Variants in TRIO observed in about 807,000 individuals in gnomAD.
TRIO encodes the protein triple functional domain protein.
Under a neutral mutation model 351.9 loss-of-function variants are expected in TRIO, and 58 were observed. That is an observed-to-expected ratio of 0.16 (90% confidence interval 0.13 to 0.21). The LOEUF is 0.21. TRIO is among the 10% of genes least tolerant of loss of function. The probability of loss-of-function intolerance (pLI) is 1.00; values close to 1 mark genes in which losing one functional copy is unlikely to be tolerated. For missense variants in TRIO, 3,201 were observed against 4,027.8 expected (o/e 0.79, Z 5.56); for synonymous variants, 1,758 against 1,595.7 (o/e 1.10, Z -2.42).
chr5:14,323,672 G>T (rs1740104581), intron 9 of TRIO, among the ~76,000 whole-genome samples: 1 of 152,210 alleles, frequency 6.6e-6, no homozygotes, highest in Non-Finnish European at 1.5e-5. Context: ...ATGCGGTCTG[G>T]GGTCTCCCTG....
chr5:14,188,320 T>A (rs1790246287), intron 1 of TRIO, among the ~76,000 whole-genome samples: 1 of 152,192 alleles, frequency 6.6e-6, no homozygotes, highest in Non-Finnish European at 1.5e-5. Context: ...AAGTGTAATA[T>A]TTTCTCCATT....
chr5:14,220,049 CTT>C (rs35237881), intron 1 of TRIO, among the ~76,000 whole-genome samples: 7 of 94,746 alleles, frequency 7.4e-5, no homozygotes, highest in African/African-American at 6.5e-5. Flanking sequence ...TCTTCTTCTT[CTT>C]TTTTTTTTTT....
chr5:14,338,536 G>A (rs187394735), intron 11 of TRIO, among the ~76,000 whole-genome samples: 2 of 152,322 alleles, frequency 1.3e-5, no homozygotes, highest in Admixed American at 6.5e-5. Context: ...TTTTTACACC[G>A]TAGCTGAGAG....
At chr5:14,214,719 G>C (rs1254693628) in intron 1 of TRIO, among the ~76,000 whole-genome samples, 1 of 152,116 alleles carries the variant, frequency 6.6e-6, no homozygotes, top group Non-Finnish European at 1.5e-5. Flanking sequence ...ATGAAACCGA[G>C]TGTTATATTT....
intron 1 of TRIO, among the ~76,000 whole-genome samples, chr5:14,205,480 G>T (rs2152181284): frequency 6.6e-6 from 1 of 152,266 alleles, no homozygotes; most frequent in Middle Eastern, 3.4e-3. Context: ...GGTCTATCTT[G>T]TATCTGAAGT....
intron 54 of TRIO, 99 bp from the exon 55 acceptor site, chr5:14,504,294 C>G: frequency 7.4e-7 from 1 of 1,353,148 alleles, no homozygotes; most frequent in Non-Finnish European, 1.0e-6. Flanking sequence ...CTGGACAGGG[C>G]TGGGCCACCA....
chr5:14,168,647 C>T (rs1788923031), intron 1 of TRIO, among the ~76,000 whole-genome samples: 1 of 152,182 alleles, frequency 6.6e-6, no homozygotes, highest in East Asian at 1.9e-4. Context: ...CTGAGTTCCG[C>T]CCTTTTTAGC....
chr5:14,347,463 T>G (rs1230735143), intron 11 of TRIO, among the ~76,000 whole-genome samples: 1 of 152,248 alleles, frequency 6.6e-6, no homozygotes, highest in African/African-American at 2.4e-5. Flanking sequence ...AAGAGTGCAG[T>G]CTTGCCTTTT....
At chr5:14,335,955 A>G (rs983321963) in intron 10 of TRIO, among the ~76,000 whole-genome samples, 1 of 152,182 alleles carries the variant, frequency 6.6e-6, no homozygotes, top group African/African-American at 2.4e-5. Flanking sequence ...ACAGAGTGAG[A>G]CTGTCATGCA....
chr5:14,411,991 CTTT>C (rs112955087), intron 33 of TRIO, among the ~76,000 whole-genome samples: 1 of 138,076 alleles, frequency 7.2e-6, no homozygotes. Context: ...TTCTTTCTTT[CTTT>C]TTTTTTTTTT....
chr5:14,503,685 C>T (rs1209487526), intron 54 of TRIO, among the ~76,000 whole-genome samples: 1 of 152,230 alleles, frequency 6.6e-6, no homozygotes, highest in Non-Finnish European at 1.5e-5. Flanking sequence ...CAGAGCCAGC[C>T]CCAGGCAGCC....
chr5:14,445,993 C>T (rs970565567), intron 34 of TRIO, among the ~76,000 whole-genome samples: 1 of 152,228 alleles, frequency 6.6e-6, no homozygotes, highest in African/African-American at 2.4e-5. Flanking sequence ...GGTCTGTGGC[C>T]GTGCCTTTCA....
At chr5:14,501,640 G>A (rs1235959593) in intron 53 of TRIO, among the ~76,000 whole-genome samples, 1 of 152,238 alleles carries the variant, frequency 6.6e-6, no homozygotes, top group Non-Finnish European at 1.5e-5. Context: ...AATTAGACAA[G>A]TCAGCTTGGA....
At chr5:14,244,774 G>A (rs1207221757) in intron 1 of TRIO, among the ~76,000 whole-genome samples, 1 of 152,218 alleles carries the variant, frequency 6.6e-6, no homozygotes, top group African/African-American at 2.4e-5. Context: ...GGATTGCAGC[G>A]GGTCCTTGGT....
At chr5:14,325,801 C>T (rs1561343457) in intron 9 of TRIO, among the ~76,000 whole-genome samples, 2 of 152,178 alleles carry the variant, frequency 1.3e-5, no homozygotes. Context: ...TTACAAATAG[C>T]TTATACAGGA....
At chr5:14,449,481 A>G (rs553492089) in intron 34 of TRIO, among the ~76,000 whole-genome samples, 1 of 152,212 alleles carries the variant, frequency 6.6e-6, no homozygotes, top group South Asian at 2.1e-4. Flanking sequence ...TAGCCCAACA[A>G]CCACCACTTG....
chr5:14,457,227 G>A lies in TRIO; in HGVS notation c.5204-3792G>A, dbSNP rs117708172. ...CATTTTTCTAAGTCATAAATATTCCGGCAAAATGAAAGAATGTCACTTCCG... is the reference window on the plus strand; with the variant it reads ...CATTTTTCTAAGTCATAAATATTCCAGCAAAATGAAAGAATGTCACTTCCG... On this transcript the variant is annotated intron_variant, in intron 34 of 56. Coordinates refer to ENST00000344204, the MANE Select transcript of TRIO (RefSeq NM_007118.4). Among the ~76,000 whole-genome samples the A allele has an allele frequency of 9.9e-5, 15 of 151,814 alleles. No individual in the cohort carries two copies. In the East Asian group the frequency reaches 1.9e-3, roughly 20 times the overall value.
chr5:14,166,626 T>C (rs1453798739), intron 1 of TRIO, among the ~76,000 whole-genome samples: 1 of 152,170 alleles, frequency 6.6e-6, no homozygotes, highest in Non-Finnish European at 1.5e-5. Flanking sequence ...TAGTCAGTGC[T>C]TAGTAAGTGT....
In TRIO at chr5:14,487,899, AC is replaced by A. The variant is rs1756087895; in HGVS notation, c.7272del (p.Asn2424LysfsTer34). ...VLESPRKGAA[N>X]ASGSSPDAPA... Reference sequence around the variant, plus strand: ...GAGAGCCCCAGGAAAGGCGCCGCGAACGCCTCGGGGTCGAGCCCAGACGCCC... The same window carrying A: ...GAGAGCCCCAGGAAAGGCGCCGCGAAGCCTCGGGGTCGAGCCCAGACGCCC... On this transcript the variant is annotated frameshift_variant, in exon 48 of 57. Coordinates refer to ENST00000344204, the MANE Select transcript of TRIO (RefSeq NM_007118.4). LOFTEE classifies it high-confidence loss of function. 2 of 1,539,032 alleles carry A rather than the reference AC, an allele frequency of 1.3e-6. No homozygotes were observed. Among genetic ancestry groups the A allele is most frequent in the Admixed American group, 4.1e-5 (2 of 48,988 alleles).
Sources: allele counts gnomAD v4.1 joint callset (sites outside exome capture counted in the v4.1 genomes callset), GRCh38; gene constraint gnomAD v4.1.1; transcripts MANE v1.5; gene names NCBI Gene and HGNC (gene_info 2026-07-23, HGNC 2026-07-21).